Variants in STIM1 observed in about 807,000 individuals in gnomAD.
STIM1 encodes stromal interaction molecule 1.
STIM1 carries 25 observed loss-of-function variants against 74.7 expected under a neutral mutation model. That is an observed-to-expected ratio of 0.33 (90% CI 0.24 to 0.47). The LOEUF is 0.47. Among genes scored for constraint, STIM1 ranks in the 20% least tolerant of loss-of-function variants. The pLI is 1.00. For missense variants in STIM1, 728 were observed against 920.8 expected (o/e 0.79, Z 2.71); for synonymous variants, 328 against 348.8 (o/e 0.94, Z 0.66).
chr11:4,001,088 A>C (rs2135906682), intron 2 of STIM1, among the ~76,000 whole-genome samples: 1 of 152,356 alleles, frequency 6.6e-6, no homozygotes, highest in South Asian at 2.1e-4. Flanking sequence ...GGACTATATG[A>C]AAAGACCAAA....
At chr11:3,996,521 G>T (rs147357767) in intron 2 of STIM1, among the ~76,000 whole-genome samples, 1 of 152,198 alleles carries the variant, frequency 6.6e-6, no homozygotes, top group Non-Finnish European at 1.5e-5. Flanking sequence ...TCCTGCTCAG[G>T]ACATTCCAGG....
At chr11:3,941,696 A>T (rs865818265) in intron 1 of STIM1, among the ~76,000 whole-genome samples, 62 of 141,858 alleles carry the variant, frequency 4.4e-4, no homozygotes, top group African/African-American at 1.1e-3. Context: ...AGAGAGAGAG[A>T]GTGTGTGTGT....
chr11:4,043,996 A>G (rs933561058), intron 3 of STIM1, among the ~76,000 whole-genome samples: 9 of 152,100 alleles, frequency 5.9e-5, no homozygotes, highest in Admixed American at 3.3e-4. Context: ...GCCTAGCGAC[A>G]TAGTAGACTC....
In STIM1 at chr11:3,926,116, T is replaced by G. The variant is rs114366049; in HGVS notation, c.140-41436T>G. ...TATCTTTAACCTATGGGGGTTGTTT[T>G]TCATATTCATTTATTTATTTGCAAA... On this transcript the variant is annotated intron_variant, in intron 1 of 12. Coordinates refer to ENST00000526596, the MANE Select transcript of STIM1 (RefSeq NM_001382567.1). 1.1e-3 allele frequency among the ~76,000 whole-genome samples: 172 copies of G among 152,342 alleles called. 1 individual carries two copies. The highest frequency in any genetic ancestry group is 3.9e-3 in the African/African-American group (164 of 41,574).
At chr11:3,914,760 G>A (rs2092618858) in intron 1 of STIM1, among the ~76,000 whole-genome samples, 2 of 152,108 alleles carry the variant, frequency 1.3e-5, no homozygotes, top group Admixed American at 1.3e-4. Context: ...TTTTGGGAGT[G>A]TATCATAGGA....
At chr11:3,987,644 A>G (rs2093569356) in intron 2 of STIM1, among the ~76,000 whole-genome samples, 1 of 152,194 alleles carries the variant, frequency 6.6e-6, no homozygotes, top group Non-Finnish European at 1.5e-5. Context: ...GGATCTCAGC[A>G]CAAGACCTGT....
chr11:4,051,403 C>T lies in STIM1; in HGVS notation c.386-4123C>T, dbSNP rs146107383. ...TGTCACTCAGGCTGGAGTGCAGTGACGCAATCTCGGCTCACTGCAACCTCT... is the reference window on the plus strand; with the variant it reads ...TGTCACTCAGGCTGGAGTGCAGTGATGCAATCTCGGCTCACTGCAACCTCT... On this transcript the variant is annotated intron_variant, in intron 3 of 12. Transcript: ENST00000526596. 9.8e-4 allele frequency among the ~76,000 whole-genome samples: 147 copies of T among 149,752 alleles called. 3 individuals carry two copies. In the East Asian group the frequency reaches 0.027, roughly 28 times the overall value.
chr11:3,903,197 A>G (rs1025721629), intron 1 of STIM1, among the ~76,000 whole-genome samples: 1 of 152,214 alleles, frequency 6.6e-6, no homozygotes, highest in Non-Finnish European at 1.5e-5. Flanking sequence ...CCAAACTCAC[A>G]TGGCTAATAA....
chr11:3,955,095 C>T (rs2093195134), intron 1 of STIM1, among the ~76,000 whole-genome samples: 1 of 152,192 alleles, frequency 6.6e-6, no homozygotes, highest in Admixed American at 6.5e-5. Context: ...AATCTCAAAT[C>T]TTGTTGAGTA....
chr11:3,952,905 A>G (rs1353436325), intron 1 of STIM1, among the ~76,000 whole-genome samples: 2 of 152,252 alleles, frequency 1.3e-5, no homozygotes, highest in Non-Finnish European at 2.9e-5. Flanking sequence ...AAAGGGTATC[A>G]TAACAGTTGG....
chr11:3,915,188 T>A (rs911874585), intron 1 of STIM1, among the ~76,000 whole-genome samples: 4 of 152,204 alleles, frequency 2.6e-5, no homozygotes, highest in African/African-American at 9.6e-5. Context: ...TTTGCAAATA[T>A]TTTCTCCCAT....
rs138855513 is a variant in STIM1, at chr11:3,984,801, C to A, written c.270+17119C>A. ...TTCCTCATCTATAAAGTAATGATGA[C>A]AATAAGATACTCTTTGCCATGAACA... On this transcript the variant is annotated intron_variant, in intron 2 of 12. Coordinates refer to ENST00000526596, the MANE Select transcript of STIM1 (RefSeq NM_001382567.1). 2.1e-3 allele frequency among the ~76,000 whole-genome samples: 327 copies of A among 152,266 alleles called. 1 individual carries two copies. The highest frequency in any genetic ancestry group is 7.3e-3 in the African/African-American group (305 of 41,548).
At chr11:4,000,173 A>G (rs938149445) in intron 2 of STIM1, among the ~76,000 whole-genome samples, 14 of 148,136 alleles carry the variant, frequency 9.5e-5, no homozygotes, top group African/African-American at 3.2e-4. Flanking sequence ...GACAAACAAA[A>G]AGACAGCAGT....
intron 1 of STIM1, among the ~76,000 whole-genome samples, chr11:3,869,664 A>G (rs1260111176): frequency 6.6e-6 from 1 of 152,234 alleles, no homozygotes; most frequent in East Asian, 1.9e-4. Context: ...GGAGGGCCTA[A>G]ATTGTCAGGC....
chr11:4,004,310 G>T (rs1000108685), intron 2 of STIM1, among the ~76,000 whole-genome samples: 1 of 152,060 alleles, frequency 6.6e-6, no homozygotes, highest in Non-Finnish European at 1.5e-5. Context: ...AAAGCTGGAG[G>T]CATCACGCTA....
rs373448086 is a variant in STIM1 at position 3,908,484 on chromosome 11, C to A, written c.139+52075C>A. 1.8e-3 allele frequency among the ~76,000 whole-genome samples: 276 copies of A among 151,932 alleles called. 1 individual carries two copies. Among genetic ancestry groups the A allele is most frequent in the Non-Finnish European group, 3.3e-3 (223 of 67,970 alleles). ...AAAATTAGCTGGGCGTGGTGGCGGG[C>A]GCCTGTAGTCCCAGCTACCTGGGAG... On this transcript the variant is annotated intron_variant, in intron 1 of 12. Transcript: ENST00000526596.
intron 1 of STIM1, among the ~76,000 whole-genome samples, chr11:3,939,301 G>A (rs1565122109): frequency 6.6e-6 from 1 of 152,076 alleles, no homozygotes; most frequent in African/African-American, 2.4e-5. Flanking sequence ...GATTCTTCTA[G>A]GCTTTTCCAA....
Position 4,092,143 on chromosome 11 carries a change from C to A in STIM1, c.*345C>A. The A allele has an allele frequency of 2.7e-6, 1 of 375,250 alleles. No individual in the cohort carries two copies. 23.2% of individuals were successfully genotyped at this position (375,250 alleles called of 1,614,324 possible). ...CTGTCCCAGTTTTGAGGTTTGGTTT[C>A]TTGTTTCTGTCTCTTGCTTTCGGGC... is the stretch of plus-strand genomic sequence containing the variant. On this transcript the variant is annotated 3_prime_UTR_variant, in exon 13 of 13. Coordinates refer to ENST00000526596, the MANE Select transcript of STIM1 (RefSeq NM_001382567.1).
At chr11:4,002,062 T>C (rs1206535185) in intron 2 of STIM1, among the ~76,000 whole-genome samples, 160 of 138,732 alleles carry the variant, frequency 1.2e-3, no homozygotes, top group African/African-American at 4.2e-3. Context: ...ATGCACCCAA[T>C]ACAGGAGCAC....
Sources: gnomAD v4.1 joint callset for allele counts (sites outside exome capture counted in the v4.1 genomes callset) on GRCh38, gnomAD v4.1.1 for gene constraint, MANE v1.5 for transcripts, NCBI Gene and HGNC (gene_info 2026-07-23, HGNC 2026-07-21) for gene names.